Variants in BMP5 observed in about 807,000 individuals in gnomAD.
BMP5 encodes the protein bone morphogenetic protein 5.
In BMP5, 23 loss-of-function variants were observed where a neutral mutation model predicts 46.6. That is an observed-to-expected ratio of 0.49 (90% confidence interval 0.35 to 0.70). BMP5 has a LOEUF of 0.70. BMP5 is among the 30% of genes least tolerant of loss of function. The pLI, the probability that BMP5 is intolerant of heterozygous loss-of-function variation, is 0.00. For missense variants in BMP5, 545 were observed against 565.6 expected (o/e 0.96, Z 0.37); for synonymous variants, 204 against 191.9 (o/e 1.06, Z -0.52).
At chr6:55,757,429 C>A (rs535479180) in intron 6 of BMP5, among the ~76,000 whole-genome samples, 1 of 152,104 alleles carries the variant, frequency 6.6e-6, no homozygotes, top group East Asian at 1.9e-4. Context: ...GATGAAACAA[C>A]AGCATTCTTC....
chr6:55,838,767 TA>T (rs1776884016), intron 1 of BMP5, among the ~76,000 whole-genome samples: 1 of 152,246 alleles, frequency 6.6e-6, no homozygotes, highest in African/African-American at 2.4e-5. Context: ...TGGAAACATC[TA>T]TAGAATCATT....
At chr6:55,813,801 AG>A (rs991577846) in intron 2 of BMP5, among the ~76,000 whole-genome samples, 17 of 150,768 alleles carry the variant, frequency 1.1e-4, no homozygotes, top group South Asian at 4.2e-4. Flanking sequence ...AAAAAAAAAA[AG>A]GTAATATGTG....
intron 4 of BMP5, among the ~76,000 whole-genome samples, chr6:55,773,487 T>C (rs915775676): frequency 7.4e-6 from 1 of 135,148 alleles, no homozygotes; most frequent in Non-Finnish European, 1.6e-5. Flanking sequence ...TAATATTTTG[T>C]TGAAAGACTG....
chr6:55,757,013 A>G (rs1774624716), intron 6 of BMP5, among the ~76,000 whole-genome samples: 2 of 151,998 alleles, frequency 1.3e-5, no homozygotes, highest in African/African-American at 2.4e-5. Flanking sequence ...CTTCACGTGT[A>G]TGCTCCAGTT....
chr6:55,861,608 T>C (rs1777527495), intron 1 of BMP5, among the ~76,000 whole-genome samples: 1 of 152,154 alleles, frequency 6.6e-6, no homozygotes. Context: ...GTTTCATGAG[T>C]ATTTGCCTCC....
intron 1 of BMP5, among the ~76,000 whole-genome samples, chr6:55,827,819 T>C (rs1370900875): frequency 6.6e-6 from 1 of 151,856 alleles, no homozygotes; most frequent in Non-Finnish European, 1.5e-5. Context: ...AATGAGTATA[T>C]TTACTACACA....
chr6:55,801,527 C>T (rs1416559658), intron 2 of BMP5, among the ~76,000 whole-genome samples: 1 of 152,196 alleles, frequency 6.6e-6, no homozygotes, highest in African/African-American at 2.4e-5. Flanking sequence ...TGCATCTTTC[C>T]TTTCTGACTC....
intron 1 of BMP5, among the ~76,000 whole-genome samples, chr6:55,838,353 T>A (rs755260107): frequency 6.6e-6 from 1 of 152,236 alleles, no homozygotes; most frequent in Non-Finnish European, 1.5e-5. Flanking sequence ...GGTGAGCTGA[T>A]ATCTCATTGC....
chr6:55,796,050 T>C (rs540092630), intron 2 of BMP5, among the ~76,000 whole-genome samples: 64 of 152,326 alleles, frequency 4.2e-4, no homozygotes, highest in African/African-American at 1.4e-3. Flanking sequence ...AGTTTTGAGA[T>C]ATTTGGTAAA....
chr6:55,767,392 A>G (rs1282000303), intron 4 of BMP5, among the ~76,000 whole-genome samples: 1 of 152,008 alleles, frequency 6.6e-6, no homozygotes, highest in African/African-American at 2.4e-5. Context: ...AATTAGTTAT[A>G]TATAATAACT....
At chr6:55,850,223 T>G (rs1359599430) in intron 1 of BMP5, among the ~76,000 whole-genome samples, 3 of 152,224 alleles carry the variant, frequency 2.0e-5, no homozygotes, top group African/African-American at 7.2e-5. Context: ...TGTAATTTTG[T>G]TGTTGAGGAT....
At chr6:55,793,672 C>T (rs1775628543) in intron 3 of BMP5, among the ~76,000 whole-genome samples, 1 of 152,154 alleles carries the variant, frequency 6.6e-6, no homozygotes, top group South Asian at 2.1e-4. Flanking sequence ...GACCCTTCCA[C>T]AAGTACTTCT....
At chr6:55,755,751 TATG>T in intron 6 of BMP5, 69 bp from the exon 7 acceptor site, 1 of 1,449,206 alleles carries the variant, frequency 6.9e-7, no homozygotes, top group South Asian at 1.2e-5. Flanking sequence ...TTTAAAATGG[TATG>T]ATTATTTTAT....
chr6:55,811,814 G>A (rs1562049947), intron 2 of BMP5, among the ~76,000 whole-genome samples: 1 of 151,940 alleles, frequency 6.6e-6, no homozygotes, highest in Non-Finnish European at 1.5e-5. Context: ...CTTTCCCTAA[G>A]GTCCCTTACC....
rs1010952793 is a variant in BMP5, at chr6:55,771,992, G to A, written c.1027+2057C>T. On this transcript the variant is annotated intron_variant, in intron 4 of 6. Transcript: ENST00000370830. The stretch of plus-strand genomic sequence containing the variant: ...CCTTGTCTTTTAGACCAAATCCTAT[G>A]AGGATTTTCCCAGACTGCTTGATTA... Among the ~76,000 whole-genome samples, 127 of 151,898 alleles carry A rather than the reference G, an allele frequency of 8.4e-4. 2 individuals are homozygous for A. Among genetic ancestry groups the A allele is most frequent in the African/African-American group, 2.9e-3 (121 of 41,492 alleles).
intron 1 of BMP5, among the ~76,000 whole-genome samples, chr6:55,848,489 C>T (rs79374134): frequency 0.02 from 3,074 of 151,882 alleles, 106 homozygotes; most frequent in African/African-American, 0.069. Flanking sequence ...AGTCTAGCTA[C>T]GATATGATAA....
At chr6:55,852,786 T>C (rs1179973149) in intron 1 of BMP5, among the ~76,000 whole-genome samples, 1 of 152,172 alleles carries the variant, frequency 6.6e-6, no homozygotes, top group African/African-American at 2.4e-5. Context: ...ATTCTTCTGT[T>C]GTTTATTTTG....
At chr6:55,842,044 C>A (rs941052106) in intron 1 of BMP5, among the ~76,000 whole-genome samples, 3 of 152,078 alleles carry the variant, frequency 2.0e-5, no homozygotes, top group African/African-American at 7.2e-5. Flanking sequence ...CGCTATTGAT[C>A]GTGACTTTAC....
chr6:55,793,565 C>A (rs1393432342), intron 3 of BMP5, among the ~76,000 whole-genome samples: 1 of 152,244 alleles, frequency 6.6e-6, no homozygotes, highest in Non-Finnish European at 1.5e-5. Flanking sequence ...TGATGTGTCA[C>A]TATTTTTCAG....
Sources: allele counts gnomAD v4.1 joint callset (sites outside exome capture counted in the v4.1 genomes callset), GRCh38; gene constraint gnomAD v4.1.1; transcripts MANE v1.5; gene names NCBI Gene and HGNC (gene_info 2026-07-23, HGNC 2026-07-21).